PRICKLE2: variants seen among roughly 807,000 people sequenced by gnomAD.
PRICKLE2 encodes prickle planar cell polarity protein 2.
PRICKLE2 carries 21 observed loss-of-function variants against 81.4 expected under a neutral mutation model. That is an observed-to-expected ratio of 0.26 (90% confidence interval 0.18 to 0.37). The LOEUF (loss-of-function observed/expected upper bound fraction) is 0.37. Among genes scored for constraint, PRICKLE2 ranks in the 10% least tolerant of loss-of-function variants. PRICKLE2 has a pLI of 1.00. For synonymous variants in PRICKLE2, 456 were observed against 421.5 expected, an observed-to-expected ratio of 1.08 and a Z score of -1.00; for missense variants, 940 against 1,109.0, an observed-to-expected ratio of 0.85 and a Z score of 2.16.
At chr3:64,160,132 C>G (rs2077708357) in intron 3 of PRICKLE2, 55 bp from the exon 4 acceptor site, 2 of 1,592,582 alleles carry the variant, frequency 1.3e-6, no homozygotes, top group East Asian at 2.2e-5. Context: ...CTTAAGATTT[C>G]TGAAGCCCAT....
intron 2 of PRICKLE2, chr3:64,163,361 A>C: frequency 1.7e-6 from 1 of 575,604 alleles, no homozygotes; most frequent in Non-Finnish European, 3.1e-6. Flanking sequence ...CTGTGAGGGA[A>C]AAATAAAGCT....
At chr3:64,267,337 G>A (rs999622138) in intron 2 of PRICKLE2, among the ~76,000 whole-genome samples, 2 of 150,796 alleles carry the variant, frequency 1.3e-5, no homozygotes, top group East Asian at 1.9e-4. Context: ...CTTCATTACC[G>A]AAGTCCACCA....
intron 2 of PRICKLE2, among the ~76,000 whole-genome samples, chr3:64,233,203 C>A (rs997414307): frequency 6.6e-6 from 1 of 150,926 alleles, no homozygotes; most frequent in African/African-American, 2.4e-5. Context: ...CATGCCACTG[C>A]CATTTCTCTC....
chr3:64,228,962 C>T (rs1373172844), upstream of PRICKLE2, among the ~76,000 whole-genome samples: 3 of 152,138 alleles, frequency 2.0e-5, no homozygotes, highest in South Asian at 2.1e-4. Context: ...AGGTCAAAAA[C>T]GCTTTTACTT....
intron 7 of PRICKLE2, among the ~76,000 whole-genome samples, chr3:64,107,506 C>G (rs2076775216): frequency 6.6e-6 from 1 of 152,052 alleles, no homozygotes; most frequent in Non-Finnish European, 1.5e-5. Context: ...CTGTCTTATC[C>G]CACTCCGCAC....
chr3:64,167,727 T>A lies in PRICKLE2; in HGVS notation c.145-4598A>T, dbSNP rs373557612. On this transcript the variant is annotated intron_variant, in intron 2 of 7. Transcript: ENST00000638394. ...AGTGTATGAAAAGTAAGCTGATTTT[T>A]TTTTTATAAAGAAGTGTGCAAAGCA... Among the ~76,000 whole-genome samples, 86 of 152,346 alleles carry A rather than the reference T, an allele frequency of 5.6e-4. 1 individual carries two copies. The highest frequency in any genetic ancestry group is 2.0e-3 in the African/African-American group (83 of 41,588).
rs368383401 is a variant in PRICKLE2, at chr3:64,254,648, T to C, written c.129-55681A>G. Among the ~76,000 whole-genome samples the C allele has an allele frequency of 1.3e-4, 20 of 152,368 alleles. No homozygotes were observed. In the East Asian group the frequency reaches 1.9e-3, roughly 15 times the overall value. On this transcript the variant is annotated intron_variant, in intron 2 of 8. Coordinates refer to the PRICKLE2 transcript ENST00000295902. ...CCACCCACGCAGTCCTAGTCATTCT[T>C]TGAGCCCAGATCAAATGTCATCACC...
intron 7 of PRICKLE2, among the ~76,000 whole-genome samples, chr3:64,128,133 G>A (rs1261515073): frequency 1.3e-5 from 2 of 152,110 alleles, no homozygotes; most frequent in African/African-American, 2.4e-5. Context: ...GGGCGTTAGA[G>A]GTGGCAGGAG....
chr3:64,126,082 T>C (rs1192466296), intron 7 of PRICKLE2, among the ~76,000 whole-genome samples: 2 of 152,188 alleles, frequency 1.3e-5, no homozygotes, highest in African/African-American at 2.4e-5. Context: ...TTCTGTAGTT[T>C]GTAATTTTTT....
intron 7 of PRICKLE2, among the ~76,000 whole-genome samples, chr3:64,135,159 G>T (rs758099307): frequency 6.6e-6 from 1 of 152,194 alleles, no homozygotes; most frequent in Non-Finnish European, 1.5e-5. Flanking sequence ...GCAAGAATAT[G>T]CAAGAATCCC....
Position 64,225,329 on chromosome 3 carries a change from C to G in PRICKLE2, c.-460G>C. On this transcript the variant is annotated 5_prime_UTR_variant, in exon 1 of 8. Transcript: ENST00000638394. ...CTCCAGCCCAGCGTCACCAGCTGAT[C>G]CTGAGCCAGACCCGGGGTGACTAGT... 1 of 985,416 alleles carries G rather than the reference C, an allele frequency of 1.0e-6. No homozygotes were observed. The highest frequency in any genetic ancestry group is 1.2e-6 in the Non-Finnish European group (1 of 829,964). The allele number at this position is 985,416 out of a possible 1,614,324, so 61.0% of individuals were successfully genotyped here.
At chr3:64,107,299 A>C (rs2076770639) in intron 7 of PRICKLE2, among the ~76,000 whole-genome samples, 1 of 152,184 alleles carries the variant, frequency 6.6e-6, no homozygotes, top group Non-Finnish European at 1.5e-5. Flanking sequence ...GGTCTCACAG[A>C]AACTGGCCTC....
At chr3:64,245,645 C>G (rs567863334) in intron 2 of PRICKLE2, among the ~76,000 whole-genome samples, 23 of 152,160 alleles carry the variant, frequency 1.5e-4, no homozygotes, top group Non-Finnish European at 2.6e-4. Flanking sequence ...GCCAACCATT[C>G]AAATCCAGAG....
chr3:64,185,318 T>C (rs960871046), intron 2 of PRICKLE2, among the ~76,000 whole-genome samples: 2 of 152,168 alleles, frequency 1.3e-5, no homozygotes, highest in African/African-American at 2.4e-5. Flanking sequence ...GAATTTTTGG[T>C]ATCTTTCAGT....
At chr3:64,148,029 A>G (rs1180726361) in intron 6 of PRICKLE2, among the ~76,000 whole-genome samples, 3 of 152,234 alleles carry the variant, frequency 2.0e-5, no homozygotes, top group Admixed American at 6.5e-5. Context: ...TACTGCTTTA[A>G]GAGCTTTATA....
chr3:64,144,777 G>A (rs943581733), intron 7 of PRICKLE2, among the ~76,000 whole-genome samples: 1 of 152,214 alleles, frequency 6.6e-6, no homozygotes, highest in East Asian at 1.9e-4. Context: ...AGCACAAAGA[G>A]CTCAGTATGT....
intron 1 of PRICKLE2, among the ~76,000 whole-genome samples, chr3:64,204,633 AG>A (rs1317155744): frequency 1.3e-5 from 2 of 152,172 alleles, no homozygotes; most frequent in East Asian, 1.9e-4. Context: ...GGGGAAGAAA[AG>A]GAAAAAAAAA....
rs2076548632 is a variant in PRICKLE2, at chr3:64,094,856, C to T, written c.*4195G>A. On this transcript the variant is annotated 3_prime_UTR_variant, in exon 8 of 8. Coordinates refer to ENST00000638394, the MANE Select transcript of PRICKLE2 (RefSeq NM_198859.4). ...ACAATTGGCAGTGGAGGCTTGGCTACTGAGTCTTGCATATGCAAATGCTGT... is the reference window on the plus strand; with the variant it reads ...ACAATTGGCAGTGGAGGCTTGGCTATTGAGTCTTGCATATGCAAATGCTGT... The T allele has an allele frequency of 6.6e-6, 1 of 152,622 alleles. No individual in the cohort carries two copies. 9.5% of individuals were successfully genotyped at this position (152,622 alleles called of 1,614,324 possible).
chr3:64,236,008 C>T (rs898477336), intron 2 of PRICKLE2, among the ~76,000 whole-genome samples: 1 of 152,164 alleles, frequency 6.6e-6, no homozygotes, highest in Non-Finnish European at 1.5e-5. Context: ...GCCATAGACT[C>T]TCACTCTTCT....
Sources: gnomAD v4.1 joint callset for allele counts (sites outside exome capture counted in the v4.1 genomes callset) on GRCh38, gnomAD v4.1.1 for gene constraint, MANE v1.5 for transcripts, NCBI Gene and HGNC (gene_info 2026-07-23, HGNC 2026-07-21) for gene names.